The following NUP214 variants were observed in gnomAD, a reference collection of about 807,000 sequenced individuals.
The protein encoded by NUP214 is nucleoporin 214.
NUP214 carries 79 observed loss-of-function variants against 196.2 expected under a neutral mutation model. The observed-to-expected ratio is 0.40, with a 90% CI of 0.34 to 0.49. The LOEUF (loss-of-function observed/expected upper bound fraction) is 0.49. NUP214 is among the 20% of genes least tolerant of loss of function. NUP214 has a pLI of 0.58. For missense variants in NUP214, 2,468 were observed against 2,539.0 expected (o/e 0.97, Z 0.60); for synonymous variants, 1,020 against 990.5 (o/e 1.03, Z -0.56).
chr9:131,206,033 G>A (rs1834069337), intron 30 of NUP214, among the ~76,000 whole-genome samples: 1 of 151,280 alleles, frequency 6.6e-6, no homozygotes, highest in Non-Finnish European at 1.5e-5. Flanking sequence ...GGATACAAGT[G>A]TATTCATAGC....
In NUP214 at chr9:131,228,164, C is replaced by G. The variant is rs765769913; in HGVS notation, c.5907C>G (p.Gly1969=). 1 of 1,579,950 alleles carries G rather than the reference C, an allele frequency of 6.3e-7. No individual in the cohort carries two copies. Among genetic ancestry groups the G allele is most frequent in the Admixed American group, 1.9e-5 (1 of 52,028 alleles). ...GTTTGCCTCTGTTTTGCTCAGGTGG[C>G]TTCGGTGCTGCTCCAGTGTTTGGCA... ...FGFSSPNKTG[G]FGAAPVFGSP... Residue 1969 remains glycine, a synonymous_variant, in exon 33 of 36, where the codon GGC becomes GGG. Transcript: ENST00000359428.
Position 131,192,229 on chromosome 9 carries a change from CTG to C in NUP214, c.3599_3600del (p.Val1200AspfsTer24). On this transcript the variant is annotated frameshift_variant, in exon 27 of 36. Coordinates refer to ENST00000359428, the MANE Select transcript of NUP214 (RefSeq NM_005085.4). LOFTEE classifies it high-confidence loss of function. ...TCAGGGACAGCCAAGATAGAAACAG[CTG>C]TGACTTCAACCCCATCTGCTTCTGG... The C allele has an allele frequency of 8.4e-7, 1 of 1,192,314 alleles. No homozygotes were observed. The highest frequency in any genetic ancestry group is 1.1e-6 in the Non-Finnish European group (1 of 870,106). 73.9% of individuals were successfully genotyped at this position (1,192,314 alleles called of 1,614,324 possible).
Position 131,125,678 on chromosome 9 carries a change from C to T in NUP214, c.-27C>T. ...GCAAGGCCGTGGGAGGCAGCGTTGG[C>T]TGCTTCGACACACTGAGGGCGGCGC... On this transcript the variant is annotated 5_prime_UTR_variant, in exon 1 of 36. Transcript: ENST00000359428. This position sits in a 1 kb window ranked among gnomAD's most constrained non-coding sequence, Gnocchi z 4.1. The T allele has an allele frequency of 6.5e-7, 1 of 1,548,132 alleles. No homozygotes were observed. Among genetic ancestry groups the T allele is most frequent in the South Asian group, 1.2e-5 (1 of 83,838 alleles).
At chr9:131,133,014 T>A in intron 6 of NUP214, 92 bp from the exon 7 acceptor site, 1 of 930,666 alleles carries the variant, frequency 1.1e-6, no homozygotes, top group Middle Eastern at 2.2e-4. Flanking sequence ...ATTTTTTTTT[T>A]ATCCATAGTG....
rs528695111 is a variant in NUP214, at chr9:131,187,383, C to CTTTT, written c.3495+37_3495+40dup. The CTTTT allele has an allele frequency of 1.4e-3, 1,515 of 1,053,574 alleles. No individual in the cohort carries two copies. Among genetic ancestry groups the CTTTT allele is most frequent in the South Asian group, 4.0e-3 (240 of 60,070 alleles). The allele number at this position is 1,053,574 out of a possible 1,614,324, so 65.3% of individuals were successfully genotyped here. On this transcript the variant is annotated intron_variant, in intron 25 of 35. Coordinates refer to ENST00000359428, the MANE Select transcript of NUP214 (RefSeq NM_005085.4). ...CAAGCAGGTAACTTACTGATTTTTA[C>CTTTT]TTTTTTTTTTTTTTTTTTTTTGAGA...
chr9:131,229,711 G>C (rs767717516), intron 33 of NUP214: 2 of 518,988 alleles, frequency 3.9e-6, no homozygotes, highest in Admixed American at 3.9e-5. Flanking sequence ...GGCTGTTGCT[G>C]ATGAGGCCCA....
rs187768839 is a variant in NUP214 at position 131,192,970 on chromosome 9, G to A, written c.3659+678G>A. 1.3e-3 allele frequency among the ~76,000 whole-genome samples: 178 copies of A among 135,998 alleles called. 1 individual carries two copies. The highest frequency in any genetic ancestry group is 1.2e-3 in the Non-Finnish European group (78 of 63,122). The allele number at this position is 135,998 out of a possible 152,430, so 89.2% of individuals were successfully genotyped here. A position where few individuals can be genotyped will look rare whatever the true frequency, so the allele number is the denominator to read the frequency against. On this transcript the variant is annotated intron_variant, in intron 27 of 35. Transcript: ENST00000359428. Reference sequence around the variant, plus strand: ...AAAAAAAAAAAAAAAAAAAAAAAAGGCTTACTGCATCGAGAGTACAGTATA... The same window carrying A: ...AAAAAAAAAAAAAAAAAAAAAAAAGACTTACTGCATCGAGAGTACAGTATA...
chr9:131,208,817 C>T (rs895577119), intron 30 of NUP214, among the ~76,000 whole-genome samples: 7 of 149,882 alleles, frequency 4.7e-5, no homozygotes, highest in African/African-American at 1.7e-4. Context: ...GAGATGGAGA[C>T]CATCCTGGCC....
chr9:131,196,994 TA>T (rs1044707271), intron 28 of NUP214, among the ~76,000 whole-genome samples: 1 of 152,154 alleles, frequency 6.6e-6, no homozygotes, highest in South Asian at 2.1e-4. Context: ...TTAATGGTCA[TA>T]AAAAAAGTAT....
chr9:131,146,278 A>C lies in NUP214; in HGVS notation c.1919A>C (p.Lys640Thr). The C allele has an allele frequency of 6.2e-7, 1 of 1,614,180 alleles. No homozygotes were observed. The highest frequency in any genetic ancestry group is 8.5e-7 in the Non-Finnish European group (1 of 1,180,022). ...GCACCACCTAGTTCCGTGCCATTGAAGTCCTCAGTCTTGCCCTCACCATCA... is the reference window on the plus strand; with the variant it reads ...GCACCACCTAGTTCCGTGCCATTGACGTCCTCAGTCTTGCCCTCACCATCA... ...LSAPPSSVPL[K>T]SSVLPSPSGR... The change falls in exon 13 of 36, where the codon AAG (lysine) becomes ACG (threonine). Residue 640 changes from lysine (K) to threonine (T), a missense_variant. Coordinates refer to ENST00000359428, the MANE Select transcript of NUP214 (RefSeq NM_005085.4). This position sits in a 1 kb window ranked among gnomAD's most constrained non-coding sequence, Gnocchi z 4.6.
At position 131,232,241 on chromosome 9, in the gene NUP214, G is replaced by A. The variant is rs372547529; in HGVS notation, c.6215-43G>A. The A allele has an allele frequency of 3.7e-5, 60 of 1,613,182 alleles. No individual in the cohort carries two copies. The East Asian group carries it at 6.2e-4, about 17-fold the overall frequency. On this transcript the variant is annotated intron_variant, in intron 34 of 35. Coordinates refer to ENST00000359428, the MANE Select transcript of NUP214 (RefSeq NM_005085.4). This position sits in a 1 kb window ranked among gnomAD's most constrained non-coding sequence, Gnocchi z 5.1. ...AGCATGGGGACCACCTTTGTCTTTC[G>A]AGTGGATGCGTGCTTTAACTTCACT...
chr9:131,217,499 G>A (rs1330530873), intron 31 of NUP214, among the ~76,000 whole-genome samples: 1 of 152,218 alleles, frequency 6.6e-6, no homozygotes, highest in African/African-American at 2.4e-5. Flanking sequence ...CCACAGGACC[G>A]TGAGGCTCCA....
chr9:131,187,510 C>T (rs1203418763), intron 25 of NUP214, 146 bp downstream of exon 25: 2 of 619,478 alleles, frequency 3.2e-6, no homozygotes, highest in African/African-American at 1.9e-5. Flanking sequence ...GCTCAGCCTC[C>T]TGAGTAGTTG....
At chr9:131,147,384 GGGCAATGT>G in intron 13 of NUP214, 98 bp from the exon 14 acceptor site, 2 of 798,018 alleles carry the variant, frequency 2.5e-6, no homozygotes, top group Non-Finnish European at 4.2e-6. Context: ...AGTGGGCCAG[GGGCAATGT>G]GTAACTTAAT....
At chr9:131,221,836 AC>A (rs1485782056) in intron 31 of NUP214, among the ~76,000 whole-genome samples, 1 of 151,142 alleles carries the variant, frequency 6.6e-6, no homozygotes, top group Non-Finnish European at 1.5e-5. Context: ...TTCCCTTCCC[AC>A]CAACGCCCAC....
chr9:131,157,147 T>TG (rs139531197), intron 17 of NUP214, among the ~76,000 whole-genome samples: 199 of 151,456 alleles, frequency 1.3e-3, no homozygotes, highest in South Asian at 4.4e-3. Flanking sequence ...TCTGTTTTTT[T>TG]TTTTGTTTTG....
intron 30 of NUP214, 84 bp downstream of exon 30, chr9:131,201,801 G>A: frequency 8.5e-7 from 1 of 1,179,934 alleles, no homozygotes; most frequent in Non-Finnish European, 1.3e-6. Flanking sequence ...AGTTCGTGTT[G>A]TATATCTAAA....
At chr9:131,150,834 G>A (rs761973905) in intron 16 of NUP214, 69 bp downstream of exon 16, 1 of 1,440,524 alleles carries the variant, frequency 6.9e-7, no homozygotes, top group Non-Finnish European at 9.5e-7. Context: ...AGTACTCCAT[G>A]GGGTTATGTA....
At chr9:131,182,807 CT>C (rs1162129302) in intron 24 of NUP214, among the ~76,000 whole-genome samples, 3 of 151,850 alleles carry the variant, frequency 2.0e-5, no homozygotes, top group Admixed American at 6.6e-5. Context: ...GTTTTTCTGC[CT>C]TTTTTTGGGT....
Sources: gnomAD v4.1 joint callset for allele counts (sites outside exome capture counted in the v4.1 genomes callset) on GRCh38, gnomAD v4.1.1 for gene constraint, Gnocchi (gnomAD v3.1) non-coding constraint, MANE v1.5 for transcripts, NCBI Gene and HGNC (gene_info 2026-07-23, HGNC 2026-07-21) for gene names.